Variants in NRXN3 observed in about 807,000 individuals in gnomAD.
NRXN3 encodes the protein neurexin III.
Under a neutral mutation model 137.6 loss-of-function variants are expected in NRXN3, and 32 were observed. The ratio of observed to expected loss-of-function variants is 0.23; its 90% CI spans 0.18 to 0.31. The LOEUF is 0.31. Ranked by LOEUF, NRXN3 falls within the 10% of genes least tolerant of loss-of-function variation. The probability of loss-of-function intolerance (pLI) is 1.00; values close to 1 mark genes in which losing one functional copy is unlikely to be tolerated. For missense variants in NRXN3, 1,574 were observed against 2,062.5 expected (o/e 0.76, Z 4.59); for synonymous variants, 798 against 784.5 (o/e 1.02, Z -0.29).
intron 10 of NRXN3, among the ~76,000 whole-genome samples, chr14:78,829,466 A>G (rs537651667): frequency 1.4e-4 from 22 of 152,240 alleles, no homozygotes; most frequent in African/African-American, 5.3e-4. Context: ...CATTTGAGCT[A>G]TAGAGAGGAT....
At chr14:78,442,917 T>C (rs148381824) in intron 4 of NRXN3, among the ~76,000 whole-genome samples, 22 of 152,348 alleles carry the variant, frequency 1.4e-4, no homozygotes, top group African/African-American at 4.8e-4. Context: ...ACTTACCTCA[T>C]TGCGTTTTGT....
intron 16 of NRXN3, among the ~76,000 whole-genome samples, chr14:79,618,673 C>CT (rs1192322197): frequency 3.3e-5 from 5 of 151,980 alleles, no homozygotes; most frequent in Non-Finnish European, 7.4e-5. Context: ...GTGCATGTAT[C>CT]TTTTTTGGTA....
intron 20 of NRXN3, chr14:79,853,461 G>C (rs2099396147): frequency 3.0e-6 from 2 of 674,658 alleles, no homozygotes; most frequent in Non-Finnish European, 4.3e-6. Context: ...GTCAGTGTTA[G>C]AGTTCTGTTC....
At chr14:78,173,489 C>T (rs2063984) in intron 1 of NRXN3, among the ~76,000 whole-genome samples, 23,405 of 150,760 alleles carry the variant, frequency 0.16, 1,881 homozygotes, top group South Asian at 0.21. Context: ...GGCGTCTGGG[C>T]ATTGTGTGTG....
intron 15 of NRXN3, among the ~76,000 whole-genome samples, chr14:79,149,393 T>C (rs575511611): frequency 1.3e-5 from 2 of 152,098 alleles, no homozygotes; most frequent in South Asian, 2.1e-4. Context: ...GAGAAAGCAC[T>C]AGTTTTCTTG....
At chr14:78,333,924 C>A (rs547048318) in intron 4 of NRXN3, among the ~76,000 whole-genome samples, 4 of 152,158 alleles carry the variant, frequency 2.6e-5, no homozygotes, top group Admixed American at 2.0e-4. Flanking sequence ...GGGTGTTGGG[C>A]TAGAGTGGCT....
chr14:78,761,923 G>T (rs777214048), intron 8 of NRXN3, among the ~76,000 whole-genome samples: 7 of 152,108 alleles, frequency 4.6e-5, no homozygotes, highest in Admixed American at 2.6e-4. Flanking sequence ...TGTGTATATT[G>T]TCTCATTGTA....
intron 8 of NRXN3, among the ~76,000 whole-genome samples, chr14:78,777,684 C>T (rs2098748980): frequency 6.6e-6 from 1 of 152,168 alleles, no homozygotes; most frequent in African/African-American, 2.4e-5. Flanking sequence ...CCCCTGGCTG[C>T]TGTTTTACTC....
At chr14:78,738,208 C>T (rs200847907) in intron 8 of NRXN3, among the ~76,000 whole-genome samples, 1 of 152,248 alleles carries the variant, frequency 6.6e-6, no homozygotes, top group Admixed American at 6.5e-5. Context: ...TACTGAGCAT[C>T]GACTATGTGC....
chr14:79,835,660 G>A (rs573320849), intron 20 of NRXN3, among the ~76,000 whole-genome samples: 64 of 152,252 alleles, frequency 4.2e-4, no homozygotes, highest in Admixed American at 1.5e-3. Flanking sequence ...TACATCTTAG[G>A]TGACACAATT....
At position 79,639,091 on chromosome 14, in the gene NRXN3, G is replaced by A. The variant is rs963556482; in HGVS notation, c.3445-24687G>A. Among the ~76,000 whole-genome samples, 8 of 151,846 alleles carry A rather than the reference G, an allele frequency of 5.3e-5. 1 individual carries two copies. Among genetic ancestry groups the A allele is most frequent in the East Asian group, 3.9e-4 (2 of 5,174 alleles). ...GTTGTCCATTACTCCCACCCTCTCCGTCTTACCCACACCTAGAGATATGTG... is the reference window on the plus strand; with the variant it reads ...GTTGTCCATTACTCCCACCCTCTCCATCTTACCCACACCTAGAGATATGTG... On this transcript the variant is annotated intron_variant, in intron 16 of 20. Coordinates refer to ENST00000335750, the MANE Select transcript of NRXN3 (RefSeq NM_001330195.2).
intron 16 of NRXN3, among the ~76,000 whole-genome samples, chr14:79,654,158 G>A (rs565581577): frequency 7.9e-5 from 12 of 152,176 alleles, no homozygotes; most frequent in South Asian, 2.1e-4. Context: ...AGGTTGGTCC[G>A]AGGCTACCTA....
chr14:79,064,129 C>A (rs772658836), intron 15 of NRXN3, among the ~76,000 whole-genome samples: 3 of 152,144 alleles, frequency 2.0e-5, no homozygotes, highest in African/African-American at 4.8e-5. Context: ...TAATCAATTT[C>A]TCATAATCAT....
At chr14:79,352,989 C>T (rs1448293860) in intron 15 of NRXN3, among the ~76,000 whole-genome samples, 1 of 152,046 alleles carries the variant, frequency 6.6e-6, no homozygotes, top group African/African-American at 2.4e-5. Context: ...GTGGGGATAG[C>T]ATGACATACC....
intron 8 of NRXN3, among the ~76,000 whole-genome samples, chr14:78,764,887 C>T (rs2098703859): frequency 1.3e-5 from 2 of 152,154 alleles, no homozygotes. Flanking sequence ...AATGTGCCAA[C>T]CTCCCCAGCC....
chr14:79,013,293 C>A (rs750689846), intron 15 of NRXN3, among the ~76,000 whole-genome samples: 1 of 152,134 alleles, frequency 6.6e-6, no homozygotes, highest in Non-Finnish European at 1.5e-5. Flanking sequence ...TAGACTGTAA[C>A]CATTGTGAAT....
intron 16 of NRXN3, among the ~76,000 whole-genome samples, chr14:79,616,991 A>G (rs2098163757): frequency 6.6e-6 from 1 of 152,028 alleles, no homozygotes. Context: ...TTAACCACCA[A>G]GTCCTGATCT....
intron 15 of NRXN3, among the ~76,000 whole-genome samples, chr14:79,207,573 G>A (rs888763048): frequency 1.3e-5 from 2 of 152,134 alleles, no homozygotes; most frequent in Non-Finnish European, 2.9e-5. Context: ...CATGAATAAG[G>A]AAACCACTCT....
intron 6 of NRXN3, among the ~76,000 whole-genome samples, chr14:78,687,933 T>A (rs2098137962): frequency 1.3e-5 from 2 of 152,194 alleles, no homozygotes; most frequent in African/African-American, 4.8e-5. Flanking sequence ...CTCTATAGTA[T>A]CTTCCTGGTT....
Sources: gnomAD v4.1 joint callset for allele counts (sites outside exome capture counted in the v4.1 genomes callset) on GRCh38, gnomAD v4.1.1 for gene constraint, MANE v1.5 for transcripts, NCBI Gene and HGNC (gene_info 2026-07-23, HGNC 2026-07-21) for gene names.